Variants in ANKFN1 observed in about 807,000 individuals in gnomAD.
ANKFN1 encodes ankyrin repeat and fibronectin type III domain containing 1.
In ANKFN1, 74 loss-of-function variants were observed where a neutral mutation model predicts 108.7. The observed-to-expected ratio is 0.68, with a 90% CI of 0.56 to 0.83. ANKFN1 has a LOEUF of 0.83. Ranked by LOEUF, ANKFN1 falls within the 40% of genes least tolerant of loss-of-function variation. The pLI, the probability that ANKFN1 is intolerant of heterozygous loss-of-function variation, is 0.00. For synonymous variants in ANKFN1, 547 were observed against 516.2 expected, an observed-to-expected ratio of 1.06 and a Z score of -0.81; for missense variants, 1,505 against 1,382.3, an observed-to-expected ratio of 1.09 and a Z score of -1.41.
At chr17:56,491,738 G>T (rs1253410772) in intron 18 of ANKFN1, among the ~76,000 whole-genome samples, 1 of 152,158 alleles carries the variant, frequency 6.6e-6, no homozygotes, top group Non-Finnish European at 1.5e-5. Flanking sequence ...GTCTTCTGGG[G>T]GTTCTGGCCT....
intron 4 of ANKFN1, among the ~76,000 whole-genome samples, chr17:56,056,881 C>A (rs559132504): frequency 7.9e-5 from 12 of 152,220 alleles, no homozygotes; most frequent in Admixed American, 7.9e-4. Context: ...GACTCTCTTT[C>A]GCAAAATATT....
chr17:56,376,031 A>G (rs1417944792), intron 8 of ANKFN1, among the ~76,000 whole-genome samples: 1 of 152,224 alleles, frequency 6.6e-6, no homozygotes, highest in Non-Finnish European at 1.5e-5. Context: ...ATGGAATTAC[A>G]CTGAACAGCC....
chr17:56,440,501 T>C (rs1213179452), intron 9 of ANKFN1, 77 bp downstream of exon 9: 105 of 1,172,616 alleles, frequency 9.0e-5, no homozygotes, highest in Non-Finnish European at 1.3e-4. Flanking sequence ...ATGTCTATTC[T>C]GAAAGCAACA....
At chr17:56,399,920 T>C (rs1160062740) in intron 8 of ANKFN1, among the ~76,000 whole-genome samples, 1 of 147,196 alleles carries the variant, frequency 6.8e-6, no homozygotes, top group East Asian at 1.9e-4. Flanking sequence ...ATATATATTA[T>C]ATATAGTGAT....
In ANKFN1 at chr17:56,511,185, C is replaced by T; in HGVS notation, c.3357C>T (p.Thr1119=). Residue 1119 remains threonine (T), a synonymous_variant, in exon 21 of 21, where the codon ACC becomes ACT. Coordinates refer to ENST00000682825, the MANE Select transcript of ANKFN1 (RefSeq NM_001370326.1). ...SLSPPSGGRI[T]LPSPTGPDVS... ...GCCCGCCCTCTGGAGGCCGCATCAC[C>T]CTGCCCAGCCCCACTGGCCCCGATG... 6.5e-7 allele frequency: 1 copy of T among 1,536,016 alleles called. No individual in the cohort carries two copies. The highest frequency in any genetic ancestry group is 8.7e-7 in the Non-Finnish European group (1 of 1,146,856).
At chr17:56,189,179 T>TTTTTTTTTTTTTTTTGTTTTG (rs1244013476) in intron 1 of ANKFN1, among the ~76,000 whole-genome samples, 2 of 111,400 alleles carry the variant, frequency 1.8e-5, no homozygotes, top group African/African-American at 4.9e-5. Context: ...ACTTTTTTTT[T>TTTTTTTTTTTTTTTTGTTTTG]TTTTTTTTTG....
intron 7 of ANKFN1, among the ~76,000 whole-genome samples, 170 bp downstream of exon 7, chr17:56,373,010 CT>C (rs2046852523): frequency 6.6e-6 from 1 of 152,106 alleles, no homozygotes; most frequent in African/African-American, 2.4e-5. Context: ...TTTTATCTTG[CT>C]TGAGTTTCTG....
At chr17:56,480,151 A>G (rs2050647474) in intron 16 of ANKFN1, among the ~76,000 whole-genome samples, 1 of 152,344 alleles carries the variant, frequency 6.6e-6, no homozygotes, top group South Asian at 2.1e-4. Context: ...ATTGTCTGGT[A>G]TTCCTGTTTG....
intron 1 of ANKFN1, chr17:56,153,737 C>A: frequency 1.5e-6 from 1 of 659,300 alleles, no homozygotes; most frequent in Non-Finnish European, 2.6e-6. Context: ...TAATGTGTGT[C>A]TTTGTCTTTT....
At chr17:56,291,539 A>G (rs995415617) in intron 3 of ANKFN1, among the ~76,000 whole-genome samples, 5 of 152,204 alleles carry the variant, frequency 3.3e-5, no homozygotes, top group Non-Finnish European at 7.3e-5. Flanking sequence ...GATGATTATG[A>G]TTCATCCCAG....
At position 56,349,159 on chromosome 17, in the gene ANKFN1, T is replaced by C. The variant is rs548093054; in HGVS notation, c.189-1607T>C. On this transcript the variant is annotated intron_variant, in intron 4 of 20. Transcript: ENST00000682825. ...ATCAAATATTACACGTTCTCACTTA[T>C]AAGTAGGAGCTGGATGATGAGAACA... Among the ~76,000 whole-genome samples the C allele has an allele frequency of 2.0e-5, 3 of 152,232 alleles. No individual in the cohort carries two copies. The South Asian group carries it at 6.2e-4, about 32-fold the overall frequency.
At chr17:56,458,012 G>A (rs1193590475) in intron 14 of ANKFN1, 33 bp downstream of exon 14, 2 of 1,564,200 alleles carry the variant, frequency 1.3e-6, no homozygotes, top group Admixed American at 1.7e-5. Context: ...AGGCCCCCAA[G>A]GAAAATATTT....
At chr17:56,339,086 C>T (rs1473485681) in intron 4 of ANKFN1, among the ~76,000 whole-genome samples, 1 of 151,908 alleles carries the variant, frequency 6.6e-6, no homozygotes, top group Non-Finnish European at 1.5e-5. Flanking sequence ...TTTGTATTTT[C>T]TGAAAATTAG....
intron 20 of ANKFN1, among the ~76,000 whole-genome samples, chr17:56,499,997 G>A (rs2051316770): frequency 6.6e-6 from 1 of 152,140 alleles, no homozygotes; most frequent in African/African-American, 2.4e-5. Context: ...GGGGCAGCAT[G>A]GTGTAACAGA....
At chr17:56,256,022 T>A (rs1430215227) in intron 3 of ANKFN1, among the ~76,000 whole-genome samples, 1 of 152,012 alleles carries the variant, frequency 6.6e-6, no homozygotes, top group African/African-American at 2.4e-5. Flanking sequence ...TTAATTTTAA[T>A]AAATAAATAA....
intron 3 of ANKFN1, among the ~76,000 whole-genome samples, chr17:56,229,661 C>CAAAA (rs58714064): frequency 2.5e-4 from 10 of 40,182 alleles, no homozygotes; most frequent in African/African-American, 3.6e-4. Flanking sequence ...TTTCAGATTG[C>CAAAA]AAAAAAAAAA....
At chr17:56,510,410 T>A (rs2051708096) in intron 20 of ANKFN1, 63 bp from the exon 21 acceptor site, 3 of 1,375,392 alleles carry the variant, frequency 2.2e-6, no homozygotes, top group South Asian at 2.7e-5. Flanking sequence ...ACTGTTCCTA[T>A]GCCTGTGAAG....
intron 18 of ANKFN1, 56 bp downstream of exon 18, chr17:56,482,580 A>T (rs768277201): frequency 5.1e-6 from 8 of 1,576,120 alleles, no homozygotes; most frequent in Non-Finnish European, 6.9e-6. Context: ...TAATAAAATC[A>T]CAAAGTTATA....
intron 11 of ANKFN1, among the ~76,000 whole-genome samples, chr17:56,452,759 T>C (rs1469541709): frequency 6.6e-6 from 1 of 152,164 alleles, no homozygotes; most frequent in East Asian, 1.9e-4. Flanking sequence ...TTTTCTCTTT[T>C]TATTTTTAGT....
Sources: gnomAD v4.1 joint callset for allele counts (sites outside exome capture counted in the v4.1 genomes callset) on GRCh38, gnomAD v4.1.1 for gene constraint, MANE v1.5 for transcripts, NCBI Gene and HGNC (gene_info 2026-07-23, HGNC 2026-07-21) for gene names.